The following WAPL variants were observed in gnomAD, a reference collection of about 807,000 sequenced individuals.
WAPL encodes the protein WAPL cohesin release factor, also known as wings apart-like protein homolog.
A neutral mutation model predicts 121.0 loss-of-function variants in WAPL; 5 were observed. The ratio of observed to expected loss-of-function variants is 0.04; its 90% CI spans 0.02 to 0.09. The LOEUF (loss-of-function observed/expected upper bound fraction) is 0.09, where lower values mean the gene tolerates loss of function less well. Among genes scored for constraint, WAPL ranks in the 10% least tolerant of loss-of-function variants. WAPL has a pLI of 1.00. For synonymous variants in WAPL, 480 were observed against 481.5 expected, an observed-to-expected ratio of 1.00 and a Z score of 0.04; for missense variants, 999 against 1,410.8, an observed-to-expected ratio of 0.71 and a Z score of 4.68.
At chr10:86,506,553 C>A (rs1842352827) in intron 2 of WAPL, among the ~76,000 whole-genome samples, 1 of 151,866 alleles carries the variant, frequency 6.6e-6, no homozygotes, top group Admixed American at 6.6e-5. Context: ...GGCGGCAGGC[C>A]AAAGCAGGGG....
At chr10:86,480,806 G>C (rs1223792378) in intron 4 of WAPL, among the ~76,000 whole-genome samples, 1 of 152,170 alleles carries the variant, frequency 6.6e-6, no homozygotes, top group African/African-American at 2.4e-5. Context: ...ACACCTTCTG[G>C]GTCCTGGCTT....
At chr10:86,510,309 G>A (rs186368333) in intron 2 of WAPL, among the ~76,000 whole-genome samples, 128 of 152,130 alleles carry the variant, frequency 8.4e-4, no homozygotes, top group African/African-American at 3.0e-3. Flanking sequence ...TCCTGACCTC[G>A]TGATCCACCC....
rs1262150794 is a variant in WAPL, at chr10:86,472,987, T to C, written c.1741-223A>G. Among the ~76,000 whole-genome samples, 2 of 152,186 alleles carry C rather than the reference T, an allele frequency of 1.3e-5. No individual in the cohort carries two copies. Among genetic ancestry groups the C allele is most frequent in the African/African-American group, 4.8e-5 (2 of 41,452 alleles). On this transcript the variant is annotated intron_variant, in intron 5 of 18. Transcript: ENST00000298767. This position sits in a 1 kb window ranked among gnomAD's most constrained non-coding sequence, Gnocchi z 4.2. ...ACAGAAGAACCACTCAAGGATTTCT[T>C]CTGGTCTTTTTTAAACTTTTTATTT...
intron 15 of WAPL, among the ~76,000 whole-genome samples, chr10:86,448,869 C>T (rs1051748753): frequency 2.0e-5 from 3 of 152,198 alleles, no homozygotes; most frequent in African/African-American, 7.2e-5. Context: ...CCTGCCTCAG[C>T]CTCCCCAAGT....
At chr10:86,441,548 A>G (rs1849471260) in intron 17 of WAPL, among the ~76,000 whole-genome samples, 1 of 149,356 alleles carries the variant, frequency 6.7e-6, no homozygotes, top group African/African-American at 2.5e-5. Flanking sequence ...TTAAAAAGAT[A>G]TGTATTTCCA....
intron 4 of WAPL, among the ~76,000 whole-genome samples, chr10:86,486,599 T>C (rs968284268): frequency 1.3e-5 from 2 of 152,142 alleles, no homozygotes; most frequent in African/African-American, 4.8e-5. Context: ...GAATGTTCCT[T>C]AAAGAGTTAG....
rs559201374 is a variant in WAPL, at chr10:86,489,159, T to C, written c.1644+8042A>G. 3.9e-5 allele frequency among the ~76,000 whole-genome samples: 6 copies of C among 152,210 alleles called. No homozygotes were observed. The South Asian group carries it at 1.0e-3, about 26-fold the overall frequency. On this transcript the variant is annotated intron_variant, in intron 4 of 18. Coordinates refer to ENST00000298767, the MANE Select transcript of WAPL (RefSeq NM_015045.5). ...AACTCCGCCAAAGATGTAAAAACCA[T>C]GAAAAGACCAGGAAACACAGATCCC... is the stretch of plus-strand genomic sequence containing the variant.
intron 2 of WAPL, among the ~76,000 whole-genome samples, chr10:86,509,571 G>A (rs1842415831): frequency 6.6e-6 from 1 of 152,160 alleles, no homozygotes; most frequent in Non-Finnish European, 1.5e-5. Flanking sequence ...TACAATGCGA[G>A]AAATGCAAGT....
intron 4 of WAPL, among the ~76,000 whole-genome samples, chr10:86,487,252 T>C (rs1841946177): frequency 6.6e-6 from 1 of 151,934 alleles, no homozygotes; most frequent in Non-Finnish European, 1.5e-5. Flanking sequence ...AGCACACATA[T>C]GACAGCTACA....
chr10:86,473,475 G>A lies in WAPL; in HGVS notation c.1740+403C>T, dbSNP rs114997146. Among the ~76,000 whole-genome samples the A allele has an allele frequency of 9.4e-3, 1,431 of 152,306 alleles. 29 individuals carry two copies. Among genetic ancestry groups the A allele is most frequent in the African/African-American group, 0.032 (1,332 of 41,576 alleles). ...ATTGAAAAGTATTACTAGAATACAGGAAGAGATTTGTCTCTGAAAAGCAAA... is the reference window on the plus strand; with the variant it reads ...ATTGAAAAGTATTACTAGAATACAGAAAGAGATTTGTCTCTGAAAAGCAAA... On this transcript the variant is annotated intron_variant, in intron 5 of 18. Transcript: ENST00000298767.
intron 12 of WAPL, among the ~76,000 whole-genome samples, chr10:86,455,947 T>A (rs1477758263): frequency 2.0e-5 from 3 of 152,174 alleles, no homozygotes. Flanking sequence ...TTGAAATGAC[T>A]CTTTATCAGA....
Position 86,474,986 on chromosome 10 carries a change from G to A in WAPL, c.1645-1013C>T, listed in dbSNP as rs7080902. Among the ~76,000 whole-genome samples the A allele has an allele frequency of 5.9e-3, 895 of 152,244 alleles. 9 individuals are homozygous for A. The highest frequency in any genetic ancestry group is 0.02 in the African/African-American group (820 of 41,550). On this transcript the variant is annotated intron_variant, in intron 4 of 18. Transcript: ENST00000298767. ...CCAAGACACAGTGGGATCCAAAAAA[G>A]TACCATGTAATAACATACATGATTT...
In WAPL at chr10:86,463,757, G is replaced by C. The variant is rs548342886; in HGVS notation, c.2371-2470C>G. Among the ~76,000 whole-genome samples, 5 of 152,146 alleles carry C rather than the reference G, an allele frequency of 3.3e-5. No homozygotes were observed. The East Asian group carries it at 9.6e-4, about 29-fold the overall frequency. On this transcript the variant is annotated intron_variant, in intron 9 of 18. Coordinates refer to ENST00000298767, the MANE Select transcript of WAPL (RefSeq NM_015045.5). ...TCCAGTCCTGCAAGCTCTACTCATGGTAAGTGTCCATATGGGTGTATCTTT... is the reference window on the plus strand; with the variant it reads ...TCCAGTCCTGCAAGCTCTACTCATGCTAAGTGTCCATATGGGTGTATCTTT...
intron 16 of WAPL, among the ~76,000 whole-genome samples, chr10:86,445,213 G>A (rs762690322): frequency 6.6e-6 from 1 of 152,156 alleles, no homozygotes; most frequent in Non-Finnish European, 1.5e-5. Context: ...CTGGCATACT[G>A]TAAATCATTT....
chr10:86,489,510 C>A (rs1013108887), intron 4 of WAPL, among the ~76,000 whole-genome samples: 3 of 152,114 alleles, frequency 2.0e-5, no homozygotes, highest in Non-Finnish European at 4.4e-5. Flanking sequence ...ACATATACAG[C>A]AATGGGAGGA....
chr10:86,499,623 A>G, intron 3 of WAPL, 95 bp downstream of exon 3: 1 of 1,290,982 alleles, frequency 7.7e-7, no homozygotes, highest in African/African-American at 1.5e-5. Flanking sequence ...TCTTTTCAGA[A>G]TATGGTTGAC....
intron 4 of WAPL, among the ~76,000 whole-genome samples, chr10:86,487,191 T>G (rs1325751343): frequency 1.3e-5 from 2 of 151,560 alleles, no homozygotes; most frequent in Non-Finnish European, 1.5e-5. Flanking sequence ...AATGAAAAGG[T>G]AGAAGTCAAA....
chr10:86,455,707 AAAAAAAAG>A (rs1433275684), intron 12 of WAPL, among the ~76,000 whole-genome samples: 10 of 127,220 alleles, frequency 7.9e-5, no homozygotes, highest in African/African-American at 1.6e-4. Flanking sequence ...GAAAGAAAGA[AAAAAAAAG>A]AAAAAAAGAA....
chr10:86,470,037 C>CT lies in WAPL; in HGVS notation c.2142+954dup, dbSNP rs905682620. Among the ~76,000 whole-genome samples the CT allele has an allele frequency of 2.7e-3, 388 of 145,154 alleles. 2 individuals carry two copies. Among genetic ancestry groups the CT allele is most frequent in the Middle Eastern group, 7.4e-3 (2 of 272 alleles). On this transcript the variant is annotated intron_variant, in intron 8 of 18. Coordinates refer to ENST00000298767, the MANE Select transcript of WAPL (RefSeq NM_015045.5). ...ACCTTGCCCAGCAACAAACTAACTTCTTTTTTTTTTTTTGAGACAGAGTCT... is the reference window on the plus strand; with the variant it reads ...ACCTTGCCCAGCAACAAACTAACTTCTTTTTTTTTTTTTTGAGACAGAGTCT...
Sources: gnomAD v4.1 joint callset for allele counts (sites outside exome capture counted in the v4.1 genomes callset) on GRCh38, gnomAD v4.1.1 for gene constraint, Gnocchi (gnomAD v3.1) non-coding constraint, MANE v1.5 for transcripts, NCBI Gene and HGNC (gene_info 2026-07-23, HGNC 2026-07-21) for gene names.